The following WWOX variants were observed in gnomAD, a reference collection of about 807,000 sequenced individuals.
The protein encoded by WWOX is WW domain-containing oxidoreductase.
A neutral mutation model predicts 46.2 loss-of-function variants in WWOX; 69 were observed. The ratio of observed to expected loss-of-function variants is 1.49; its 90% CI spans 1.23 to 1.82. The LOEUF (loss-of-function observed/expected upper bound fraction) is 1.82. WWOX is among the 40% of genes most tolerant of loss of function. The pLI is 0.00. For synonymous variants in WWOX, 359 were observed against 202.6 expected, an observed-to-expected ratio of 1.77 and a Z score of -6.56; for missense variants, 919 against 542.6, an observed-to-expected ratio of 1.69 and a Z score of -6.89.
At chr16:78,136,912 G>A (rs2033811891) in intron 4 of WWOX, among the ~76,000 whole-genome samples, 1 of 152,186 alleles carries the variant, frequency 6.6e-6, no homozygotes, top group Admixed American at 6.5e-5. Flanking sequence ...GACCTTCGCA[G>A]AGGGCAGACC....
chr16:78,475,111 T>C (rs1398611499), intron 8 of WWOX, among the ~76,000 whole-genome samples: 1 of 152,182 alleles, frequency 6.6e-6, no homozygotes, highest in Non-Finnish European at 1.5e-5. Flanking sequence ...CATTACTTGG[T>C]TCTTAAACTC....
chr16:78,830,998 A>T (rs995448239), intron 8 of WWOX, among the ~76,000 whole-genome samples: 2 of 152,234 alleles, frequency 1.3e-5, no homozygotes, highest in African/African-American at 2.4e-5. Flanking sequence ...GGCACTAATG[A>T]TGCAGCAGTA....
chr16:78,478,148 G>C (rs562268964), intron 8 of WWOX, among the ~76,000 whole-genome samples: 1 of 152,160 alleles, frequency 6.6e-6, no homozygotes, highest in East Asian at 1.9e-4. Flanking sequence ...AGGTATGTAC[G>C]GTTTAAAGTG....
intron 7 of WWOX, 139 bp downstream of exon 7, chr16:78,425,194 T>A (rs941197412): frequency 1.0e-4 from 116 of 1,147,816 alleles, no homozygotes; most frequent in Admixed American, 8.3e-5. Flanking sequence ...TCACTTAATT[T>A]TTCCAGGTCT....
At chr16:78,671,714 A>G (rs2047469484) in intron 8 of WWOX, among the ~76,000 whole-genome samples, 1 of 152,228 alleles carries the variant, frequency 6.6e-6, no homozygotes, top group Non-Finnish European at 1.5e-5. Flanking sequence ...TAAGTGACCA[A>G]TAAATAGCTA....
At chr16:78,542,321 C>T (rs1324223895) in intron 8 of WWOX, among the ~76,000 whole-genome samples, 1 of 151,942 alleles carries the variant, frequency 6.6e-6, no homozygotes, top group Non-Finnish European at 1.5e-5. Context: ...CATGATGTAC[C>T]CTGTGTTCTG....
intron 8 of WWOX, among the ~76,000 whole-genome samples, chr16:79,015,546 C>T (rs910572113): frequency 3.9e-5 from 6 of 152,120 alleles, no homozygotes; most frequent in African/African-American, 7.2e-5. Context: ...AGGGAAGCCA[C>T]CTCCAGGAAC....
At chr16:78,310,595 G>C (rs1597466071) in intron 5 of WWOX, among the ~76,000 whole-genome samples, 1 of 152,204 alleles carries the variant, frequency 6.6e-6, no homozygotes, top group South Asian at 2.1e-4. Context: ...TGCATGCAAA[G>C]GGTGCGGGCC....
intron 5 of WWOX, among the ~76,000 whole-genome samples, chr16:78,366,982 T>C (rs1462886648): frequency 1.4e-5 from 2 of 144,462 alleles, no homozygotes; most frequent in Non-Finnish European, 3.0e-5. Flanking sequence ...TTTTTTTTTT[T>C]TTTTTTTTTT....
At chr16:79,173,458 A>G (rs2050740934) in intron 8 of WWOX, among the ~76,000 whole-genome samples, 1 of 152,238 alleles carries the variant, frequency 6.6e-6, no homozygotes, top group Non-Finnish European at 1.5e-5. Flanking sequence ...GACTGGGACC[A>G]GAAGCTCACT....
At chr16:78,671,391 C>G (rs2047460039) in intron 8 of WWOX, among the ~76,000 whole-genome samples, 1 of 152,150 alleles carries the variant, frequency 6.6e-6, no homozygotes, top group Non-Finnish European at 1.5e-5. Flanking sequence ...TGCCACTGCA[C>G]TCCGGCCTGG....
chr16:79,003,772 C>G (rs1357149401), intron 8 of WWOX, among the ~76,000 whole-genome samples: 1 of 152,156 alleles, frequency 6.6e-6, no homozygotes, highest in Non-Finnish European at 1.5e-5. Flanking sequence ...ACGGCCTTTT[C>G]TGACTTAGTC....
chr16:78,362,639 G>GA lies in WWOX; in HGVS notation c.517-24213dup, dbSNP rs950864453. ...CACCCTGCAAAAAAAGAAAAGAAAG[G>GA]AAAAAAAATCCTGGTGCTTGTAGGA... is the stretch of plus-strand genomic sequence containing the variant. On this transcript the variant is annotated intron_variant, in intron 5 of 8. Transcript: ENST00000566780. 2.0e-5 allele frequency among the ~76,000 whole-genome samples: 3 copies of GA among 151,818 alleles called. No homozygotes were observed. The East Asian group carries it at 5.8e-4, about 30-fold the overall frequency.
At chr16:78,551,653 C>T (rs960055839) in intron 8 of WWOX, 3 of 149,468 alleles carry the variant, frequency 2.0e-5, no homozygotes, top group Middle Eastern at 3.4e-3. Flanking sequence ...TGCCCCCGCC[C>T]CACCTGCCCC....
chr16:78,980,119 C>G (rs546927218), intron 8 of WWOX, among the ~76,000 whole-genome samples: 1 of 152,330 alleles, frequency 6.6e-6, no homozygotes, highest in African/African-American at 2.4e-5. Flanking sequence ...CAGAGCGAGA[C>G]TCCATCTCAA....
At chr16:78,825,449 A>G (rs113588035) in intron 8 of WWOX, 18,573 of 375,178 alleles carry the variant, frequency 0.05, 580 homozygotes, top group Non-Finnish European at 0.063. Flanking sequence ...AGAACAAAAA[A>G]TGTTCCTGGT....
chr16:78,703,590 T>A (rs2142302294), intron 8 of WWOX, among the ~76,000 whole-genome samples: 1 of 152,152 alleles, frequency 6.6e-6, no homozygotes, highest in South Asian at 2.1e-4. Flanking sequence ...CTACACTTCA[T>A]CCTGGGCAAC....
chr16:78,278,655 A>C lies in WWOX; in HGVS notation c.517-108205A>C, dbSNP rs111447549. 5.6e-4 allele frequency: 901 copies of C among 1,609,972 alleles called. 5 individuals are homozygous for C. In the African/African-American group the frequency reaches 0.011, roughly 19 times the overall value. ...AAGTGCAGAATAAAAATTTTCCACT[A>C]GCAAAAGAAGGAAAAAATAAAAGAT... On this transcript the variant is annotated intron_variant, in intron 5 of 8. Transcript: ENST00000566780.
intron 8 of WWOX, among the ~76,000 whole-genome samples, chr16:78,822,234 C>T (rs552682404): frequency 6.6e-6 from 1 of 152,270 alleles, no homozygotes; most frequent in South Asian, 2.1e-4. Context: ...TGGCTTACCC[C>T]TGTAATCACA....
Sources: gnomAD v4.1 joint callset for allele counts (sites outside exome capture counted in the v4.1 genomes callset) on GRCh38, gnomAD v4.1.1 for gene constraint, MANE v1.5 for transcripts, NCBI Gene and HGNC (gene_info 2026-07-23, HGNC 2026-07-21) for gene names.